The following RANBP17 variants were observed in gnomAD, a reference collection of about 807,000 sequenced individuals.
RANBP17 encodes ran-binding protein 17.
RANBP17 carries 158 observed loss-of-function variants against 141.2 expected under a neutral mutation model. That is an observed-to-expected ratio of 1.12 (90% CI 0.98 to 1.28). RANBP17 has a LOEUF of 1.28. Ranked by LOEUF, RANBP17 falls within the 50% of genes most tolerant of loss-of-function variation. The pLI is 0.00. For synonymous variants in RANBP17, 430 were observed against 450.0 expected (o/e 0.96, Z 0.56); for missense variants, 1,438 against 1,290.7 (o/e 1.11, Z -1.75).
intron 18 of RANBP17, among the ~76,000 whole-genome samples, chr5:171,199,109 G>C (rs1359865749): frequency 6.6e-6 from 1 of 152,082 alleles, no homozygotes; most frequent in East Asian, 1.9e-4. Flanking sequence ...CTTAGTGTAA[G>C]AAGTGTACCC....
intron 12 of RANBP17, among the ~76,000 whole-genome samples, chr5:170,945,664 G>T (rs1189625449): frequency 1.3e-5 from 2 of 152,038 alleles, no homozygotes; most frequent in Non-Finnish European, 2.9e-5. Context: ...GCACGGTGAG[G>T]TCTTTGTCTG....
At chr5:171,195,942 C>T (rs76341920) in intron 18 of RANBP17, among the ~76,000 whole-genome samples, 13,215 of 152,198 alleles carry the variant, frequency 0.087, 914 homozygotes, top group African/African-American at 0.19. Context: ...CCATTGCCTG[C>T]GTAAGCACTC....
intron 12 of RANBP17, among the ~76,000 whole-genome samples, chr5:170,925,616 C>T (rs1004231543): frequency 2.6e-5 from 4 of 152,292 alleles, no homozygotes; most frequent in Admixed American, 2.0e-4. Flanking sequence ...AATACCTTTG[C>T]AGCATCTTTG....
intron 14 of RANBP17, among the ~76,000 whole-genome samples, chr5:171,093,933 G>C (rs891993803): frequency 2.0e-5 from 3 of 151,890 alleles, no homozygotes; most frequent in Non-Finnish European, 2.9e-5. Context: ...CTCCTGGTAA[G>C]TTGCCCCATA....
intron 14 of RANBP17, among the ~76,000 whole-genome samples, chr5:170,979,562 C>G (rs1260238342): frequency 6.6e-6 from 1 of 152,144 alleles, no homozygotes; most frequent in Non-Finnish European, 1.5e-5. Context: ...CAGGTCTTTC[C>G]TATGCTGTTC....
chr5:171,240,295 A>T (rs1395917024), intron 22 of RANBP17, among the ~76,000 whole-genome samples: 1 of 152,158 alleles, frequency 6.6e-6, no homozygotes, highest in Non-Finnish European at 1.5e-5. Context: ...TTGTCTTCTG[A>T]TGGTCAACGC....
At chr5:171,179,688 T>C (rs562837358) in intron 16 of RANBP17, among the ~76,000 whole-genome samples, 4 of 152,212 alleles carry the variant, frequency 2.6e-5, no homozygotes, top group Admixed American at 6.5e-5. Context: ...TTTACACTTT[T>C]GTAAATAGGA....
chr5:171,064,425 A>G (rs1784157482), intron 14 of RANBP17, among the ~76,000 whole-genome samples: 1 of 152,226 alleles, frequency 6.6e-6, no homozygotes, highest in African/African-American at 2.4e-5. Context: ...GAAATTACAT[A>G]TGTTTTTACA....
At chr5:171,242,624 C>T (rs780778025) in intron 23 of RANBP17, 58 bp from the exon 24 acceptor site, 603 of 1,568,060 alleles carry the variant, frequency 3.8e-4, no homozygotes, top group Non-Finnish European at 4.8e-4. Flanking sequence ...TTTCACTGGA[C>T]TGTAACATGT....
intron 13 of RANBP17, among the ~76,000 whole-genome samples, chr5:170,957,109 G>A (rs112551059): frequency 0.036 from 2,932 of 82,534 alleles, 45 homozygotes; most frequent in African/African-American, 0.068. Context: ...ACACACACAC[G>A]CGCACACTGC....
chr5:170,866,636 C>T (rs185987624), intron 1 of RANBP17, among the ~76,000 whole-genome samples: 2 of 151,620 alleles, frequency 1.3e-5, no homozygotes, highest in African/African-American at 2.4e-5. Flanking sequence ...GATCGCACCA[C>T]TGCACTCTTG....
At chr5:171,088,382 G>A (rs1785875028) in intron 14 of RANBP17, among the ~76,000 whole-genome samples, 1 of 152,016 alleles carries the variant, frequency 6.6e-6, no homozygotes, top group Non-Finnish European at 1.5e-5. Context: ...CTTTCTCTCT[G>A]GCTGCCCTTA....
chr5:171,108,054 G>T (rs564173329), intron 14 of RANBP17, among the ~76,000 whole-genome samples: 1 of 152,160 alleles, frequency 6.6e-6, no homozygotes, highest in Non-Finnish European at 1.5e-5. Context: ...GGTTAGAGTC[G>T]ATTGATATTC....
intron 14 of RANBP17, among the ~76,000 whole-genome samples, chr5:170,991,969 A>G (rs955205473): frequency 1.3e-5 from 2 of 152,000 alleles, no homozygotes; most frequent in Non-Finnish European, 2.9e-5. Context: ...AAGAATTTGG[A>G]AACAGTTGGT....
intron 16 of RANBP17, among the ~76,000 whole-genome samples, chr5:171,178,353 A>G (rs1350818770): frequency 1.3e-5 from 2 of 151,994 alleles, no homozygotes; most frequent in South Asian, 2.1e-4. Context: ...ACATGAACTC[A>G]TCCTTTTTTA....
At chr5:171,109,064 A>G (rs1427879192) in intron 14 of RANBP17, among the ~76,000 whole-genome samples, 3 of 152,218 alleles carry the variant, frequency 2.0e-5, no homozygotes, top group Non-Finnish European at 2.9e-5. Flanking sequence ...ATGTCTGGTT[A>G]CCACAAGCCC....
At chr5:170,915,665 A>T (rs545599391) in intron 8 of RANBP17, among the ~76,000 whole-genome samples, 1 of 152,096 alleles carries the variant, frequency 6.6e-6, no homozygotes, top group East Asian at 1.9e-4. Context: ...TTTTCAGACC[A>T]TTTTTTAAGA....
intron 14 of RANBP17, among the ~76,000 whole-genome samples, chr5:171,141,674 C>T (rs962050779): frequency 1.4e-5 from 2 of 143,684 alleles, no homozygotes; most frequent in Admixed American, 1.4e-4. Flanking sequence ...AAGCAAAAAG[C>T]CTAAACTGGA....
chr5:170,884,116 C>T (rs1768952682), intron 3 of RANBP17, among the ~76,000 whole-genome samples: 1 of 152,146 alleles, frequency 6.6e-6, no homozygotes, highest in Non-Finnish European at 1.5e-5. Context: ...CCAGCATTTG[C>T]CATTTTCTGG....
Sources: gnomAD v4.1 joint callset for allele counts (sites outside exome capture counted in the v4.1 genomes callset) on GRCh38, gnomAD v4.1.1 for gene constraint, MANE v1.5 for transcripts, NCBI Gene and HGNC (gene_info 2026-07-23, HGNC 2026-07-21) for gene names.